ZFAND4: variants seen among roughly 807,000 people sequenced by gnomAD.
ZFAND4 encodes the protein AN1-type zinc finger protein 4.
Under a neutral mutation model 64.4 loss-of-function variants are expected in ZFAND4, and 43 were observed. The observed-to-expected ratio is 0.67, with a 90% CI of 0.52 to 0.86. The LOEUF (loss-of-function observed/expected upper bound fraction) is 0.86, where lower values mean the gene tolerates loss of function less well. ZFAND4 is among the 40% of genes least tolerant of loss of function. The pLI is 0.00. For missense variants in ZFAND4, 929 were observed against 859.8 expected (o/e 1.08, Z -1.01); for synonymous variants, 296 against 305.7 (o/e 0.97, Z 0.33).
At chr10:45,621,920 T>A (rs546287086) in intron 8 of ZFAND4, among the ~76,000 whole-genome samples, 65 of 152,294 alleles carry the variant, frequency 4.3e-4, no homozygotes, top group African/African-American at 1.5e-3. Flanking sequence ...TTTGAAATTA[T>A]GGAGATTGTC....
intron 8 of ZFAND4, among the ~76,000 whole-genome samples, chr10:45,622,370 C>A (rs1311631032): frequency 1.3e-5 from 2 of 152,106 alleles, no homozygotes; most frequent in Admixed American, 6.5e-5. Context: ...AAACATAAGA[C>A]CTAAAACTAT....
chr10:45,664,773 A>C (rs975973490), intron 1 of ZFAND4, among the ~76,000 whole-genome samples: 6 of 151,884 alleles, frequency 4.0e-5, no homozygotes, highest in African/African-American at 1.4e-4. Context: ...TAAAAATACA[A>C]GAAAAAAATG....
intron 5 of ZFAND4, among the ~76,000 whole-genome samples, chr10:45,642,180 T>C (rs532419107): frequency 1.4e-4 from 21 of 152,360 alleles, no homozygotes; most frequent in African/African-American, 4.8e-4. Context: ...TGAGTTACTC[T>C]GTGGCATTTT....
intron 8 of ZFAND4, 22 bp downstream of exon 8, chr10:45,624,561 T>C: frequency 6.2e-7 from 1 of 1,611,852 alleles, no homozygotes; most frequent in South Asian, 1.1e-5. Flanking sequence ...TTGTATTGTT[T>C]TCAAAATTAT....
chr10:45,656,501 C>CA (rs541781976), intron 2 of ZFAND4, among the ~76,000 whole-genome samples: 1,099 of 24,490 alleles, frequency 0.045, 90 homozygotes, highest in African/African-American at 0.097. Context: ...GAACCTGTCT[C>CA]AAAAAAAAAA....
rs76130878 is a variant in ZFAND4 at position 45,635,214 on chromosome 10, C to CA, written c.717+4601dup. ...TCTAAGCAAAAAAAAAAAAAAAAAA[C>CA]AAAAAAAAAACAAACAAAAAAAAAC... On this transcript the variant is annotated intron_variant, in intron 6 of 9. Transcript: ENST00000344646. 3.1e-3 allele frequency among the ~76,000 whole-genome samples: 214 copies of CA among 68,242 alleles called. 2 individuals carry two copies. Among genetic ancestry groups the CA allele is most frequent in the African/African-American group, 6.1e-3 (108 of 17,786 alleles). The allele number at this position is 68,242 out of a possible 152,430, so 44.8% of individuals were successfully genotyped here. A position where few individuals can be genotyped will look rare whatever the true frequency, so the allele number is the denominator to read the frequency against.
At chr10:45,643,048 G>A (rs1462819445) in intron 5 of ZFAND4, among the ~76,000 whole-genome samples, 2 of 149,926 alleles carry the variant, frequency 1.3e-5, no homozygotes, top group South Asian at 2.1e-4. Flanking sequence ...AGCCTCCCTA[G>A]TAGCTGGGAT....
rs2046869423 is a variant in ZFAND4 at position 45,639,895 on chromosome 10, T to G, written c.638A>C (p.Gln213Pro). 3.7e-6 allele frequency: 6 copies of G among 1,613,716 alleles called. No individual in the cohort carries two copies. The highest frequency in any genetic ancestry group is 5.1e-6 in the Non-Finnish European group (6 of 1,179,944). The change falls in exon 6 of 10, where the codon CAG becomes CCG. Residue 213 changes from glutamine (Q) to proline (P), a missense_variant. Transcript: ENST00000344646. Reference protein sequence around the residue: ...EETEPSSSGQQIIENSITMNK... With the variant: ...EETEPSSSGQPIIENSITMNK... Reference sequence around the variant, plus strand: ...CATAGTTATTGAATTTTCAATTATCTGTTGCCCAGAAGAAGAAGGCTCAGT... The same window carrying G: ...CATAGTTATTGAATTTTCAATTATCGGTTGCCCAGAAGAAGAAGGCTCAGT...
intron 9 of ZFAND4, among the ~76,000 whole-genome samples, chr10:45,617,085 AAAAG>A (rs149592578): frequency 0.093 from 13,937 of 150,644 alleles, 804 homozygotes; most frequent in Non-Finnish European, 0.13. Flanking sequence ...TCAAAAAGAA[AAAAG>A]AAAAAAAAAA....
intron 1 of ZFAND4, among the ~76,000 whole-genome samples, chr10:45,671,447 T>TA (rs745430511): frequency 2.0e-5 from 3 of 152,118 alleles, no homozygotes; most frequent in Non-Finnish European, 4.4e-5. Context: ...CCATCAGTGA[T>TA]AGAGTGGATT....
chr10:45,660,980 G>C (rs930955047), intron 2 of ZFAND4, among the ~76,000 whole-genome samples: 2 of 152,160 alleles, frequency 1.3e-5, no homozygotes, highest in African/African-American at 4.8e-5. Flanking sequence ...GGAATTTGTT[G>C]CCAGTGGACC....
chr10:45,624,479 A>C (rs2045654023), intron 8 of ZFAND4, 104 bp downstream of exon 8: 5 of 988,766 alleles, frequency 5.1e-6, no homozygotes, highest in Admixed American at 2.0e-5. Context: ...TACTCTGTAC[A>C]TGCCACAGAG....
intron 5 of ZFAND4, among the ~76,000 whole-genome samples, chr10:45,647,431 T>G (rs539921998): frequency 2.5e-4 from 38 of 151,810 alleles, no homozygotes; most frequent in Admixed American, 7.2e-4. Context: ...GCTGTTTTTT[T>G]TTTTTTTTTT....
At chr10:45,661,441 G>C (rs1428778086) in intron 2 of ZFAND4, among the ~76,000 whole-genome samples, 1 of 151,910 alleles carries the variant, frequency 6.6e-6, no homozygotes, top group South Asian at 2.1e-4. Context: ...CTCCCCACCA[G>C]GCTCTAGTTC....
At chr10:45,636,987 T>A (rs2046640608) in intron 6 of ZFAND4, among the ~76,000 whole-genome samples, 1 of 148,618 alleles carries the variant, frequency 6.7e-6, no homozygotes, top group Non-Finnish European at 1.5e-5. Flanking sequence ...TAGAGCTAAG[T>A]CAATTGTTCC....
At chr10:45,640,932 C>T (rs1314439413) in intron 5 of ZFAND4, among the ~76,000 whole-genome samples, 3 of 152,178 alleles carry the variant, frequency 2.0e-5, no homozygotes, top group African/African-American at 4.8e-5. Context: ...TTAAACATTT[C>T]AATTACTGAT....
At chr10:45,627,814 A>G (rs2045941058) in intron 6 of ZFAND4, among the ~76,000 whole-genome samples, 1 of 152,224 alleles carries the variant, frequency 6.6e-6, no homozygotes, top group Non-Finnish European at 1.5e-5. Context: ...ATATTGTTAC[A>G]ACTCACTGAT....
intron 6 of ZFAND4, among the ~76,000 whole-genome samples, chr10:45,635,195 C>CAAAAAAA (rs1173808756): frequency 1.1e-3 from 29 of 27,598 alleles, no homozygotes; most frequent in East Asian, 2.6e-3. Flanking sequence ...GCCATCTAAG[C>CAAAAAAA]AAAAAAAAAA....
chr10:45,618,329 A>G, intron 8 of ZFAND4, 69 bp from the exon 9 acceptor site: 1 of 1,558,750 alleles, frequency 6.4e-7, no homozygotes, highest in Non-Finnish European at 8.7e-7. Flanking sequence ...TATTAAGCAA[A>G]ACACAAAACA....
Sources: allele counts gnomAD v4.1 joint callset (sites outside exome capture counted in the v4.1 genomes callset), GRCh38; gene constraint gnomAD v4.1.1; transcripts MANE v1.5; gene names NCBI Gene and HGNC (gene_info 2026-07-23, HGNC 2026-07-21).